LRP5: variants seen among roughly 807,000 people sequenced by gnomAD.
The protein encoded by LRP5 is LDL receptor related protein 5, also known as low-density lipoprotein receptor-related protein 5.
In LRP5, 62 loss-of-function variants were observed where a neutral mutation model predicts 154.1. The observed-to-expected ratio is 0.40, with a 90% CI of 0.33 to 0.50. The LOEUF (loss-of-function observed/expected upper bound fraction) is 0.50, where lower values mean the gene tolerates loss of function less well. Among genes scored for constraint, LRP5 ranks in the 20% least tolerant of loss-of-function variants. LRP5 has a pLI of 0.55. For missense variants in LRP5, 1,915 were observed against 2,336.7 expected, an observed-to-expected ratio of 0.82 and a Z score of 3.72; for synonymous variants, 966 against 1,011.5, an observed-to-expected ratio of 0.96 and a Z score of 0.85.
intron 7 of LRP5, among the ~76,000 whole-genome samples, chr11:68,390,277 C>CT (rs2098645582): frequency 6.6e-6 from 1 of 152,266 alleles, no homozygotes; most frequent in Non-Finnish European, 1.5e-5. Flanking sequence ...GGCCAGGTGC[C>CT]TGTAGACACA....
chr11:68,331,735 C>T (rs1184236373), intron 1 of LRP5, among the ~76,000 whole-genome samples: 1 of 137,318 alleles, frequency 7.3e-6, no homozygotes, highest in Non-Finnish European at 1.6e-5. Flanking sequence ...TTATGGTTTT[C>T]CTCTGGGCTG....
At chr11:68,443,568 TATA>T (rs2098679586) in intron 21 of LRP5, among the ~76,000 whole-genome samples, 2 of 42,022 alleles carry the variant, frequency 4.8e-5, no homozygotes, top group African/African-American at 1.2e-4. Flanking sequence ...TATATATATA[TATA>T]TATATATATA....
intron 1 of LRP5, among the ~76,000 whole-genome samples, chr11:68,318,868 G>A (rs1244445740): frequency 3.3e-5 from 5 of 152,188 alleles, no homozygotes; most frequent in African/African-American, 9.7e-5. Context: ...GCATTGAGAG[G>A]CACTCACCTT....
rs541616527 is a variant in LRP5 at position 68,351,767 on chromosome 11, G to A, written c.488+3524G>A. ...AATAGTATTTGAAAGGGACGTGTGC[G>A]TAGGGGGATAAAGCAGTGCTTGGGT... On this transcript the variant is annotated intron_variant, in intron 2 of 22. Coordinates refer to ENST00000294304, the MANE Select transcript of LRP5 (RefSeq NM_002335.4). Among the ~76,000 whole-genome samples the A allele has an allele frequency of 6.6e-5, 10 of 152,310 alleles. No homozygotes were observed. The East Asian group carries it at 1.5e-3, about 24-fold the overall frequency.
At chr11:68,299,457 G>A in the LRP5 span, among the ~76,000 whole-genome samples, 1 of 147,980 alleles carries the variant, frequency 6.8e-6, no homozygotes, top group African/African-American at 2.7e-5. Flanking sequence ...GTAGACAGTG[G>A]GGTGGAGTCC....
At chr11:68,338,608 A>G (rs2098606998) in intron 1 of LRP5, among the ~76,000 whole-genome samples, 2 of 152,094 alleles carry the variant, frequency 1.3e-5, no homozygotes, top group African/African-American at 4.8e-5. Flanking sequence ...ACCCCCTCAC[A>G]TTCTCCTAAT....
chr11:68,349,333 C>T (rs1388497830), intron 2 of LRP5, among the ~76,000 whole-genome samples: 1 of 152,096 alleles, frequency 6.6e-6, no homozygotes, highest in Non-Finnish European at 1.5e-5. Context: ...GTGCCTGGCC[C>T]ATAGTTATGT....
intron 13 of LRP5, among the ~76,000 whole-genome samples, chr11:68,419,271 T>G (rs1222002823): frequency 1.6e-4 from 25 of 152,136 alleles, no homozygotes; most frequent in Admixed American, 1.6e-3. Flanking sequence ...CTCACCCCAG[T>G]GCCCAGGCTG....
Position 68,319,395 on chromosome 11 carries a change from G to A in LRP5, c.91+6590G>A, listed in dbSNP as rs376293696. On this transcript the variant is annotated intron_variant, in intron 1 of 22. Transcript: ENST00000294304. ...CCTGGCTGATTTTTTAAAATTTGTC[G>A]TTGAGATGGGTGTCTTGCTTTGCTG... Among the ~76,000 whole-genome samples, 15 of 152,066 alleles carry A rather than the reference G, an allele frequency of 9.9e-5. No individual in the cohort carries two copies. The East Asian group carries it at 2.3e-3, about 24-fold the overall frequency.
intron 1 of LRP5, 149 bp downstream of exon 1, chr11:68,312,954 C>A: frequency 4.0e-6 from 1 of 250,150 alleles, no homozygotes; most frequent in Non-Finnish European, 6.4e-6. Context: ...GATCCCCCTG[C>A]CGTCCCCGGC....
At chr11:68,368,985 C>T (rs1479952150) in intron 5 of LRP5, among the ~76,000 whole-genome samples, 2 of 151,904 alleles carry the variant, frequency 1.3e-5, no homozygotes, top group South Asian at 2.1e-4. Context: ...TTACAGGCGC[C>T]CGCTACTATG....
chr11:68,386,641 C>T lies in LRP5; in HGVS notation c.1341C>T (p.Gly447=), dbSNP rs1383026060. 3 of 1,613,502 alleles carry T rather than the reference C, an allele frequency of 1.9e-6. No individual in the cohort carries two copies. The highest frequency in any genetic ancestry group is 1.3e-5 in the African/African-American group (1 of 74,936). ...TDRIEVTRLN[G]TSRKILVSED... ...GCATCGAGGTGACGCGCCTCAACGGCACCTCCCGCAAGATCCTGGTGTCGG... is the reference window on the plus strand; with the variant it reads ...GCATCGAGGTGACGCGCCTCAACGGTACCTCCCGCAAGATCCTGGTGTCGG... The change falls in exon 6 of 23, where the codon GGC becomes GGT. Residue 447 remains glycine, a synonymous_variant. Transcript: ENST00000294304. This position sits in a 1 kb window ranked among gnomAD's most constrained non-coding sequence, Gnocchi z 7.9.
chr11:68,354,180 G>T (rs1490494208), intron 2 of LRP5, among the ~76,000 whole-genome samples: 1 of 152,236 alleles, frequency 6.6e-6, no homozygotes, highest in Non-Finnish European at 1.5e-5. Flanking sequence ...GGCTCTGCAC[G>T]AAGGCCATGC....
At chr11:68,334,627 C>T (rs1591186722) in intron 1 of LRP5, among the ~76,000 whole-genome samples, 1 of 152,232 alleles carries the variant, frequency 6.6e-6, no homozygotes, top group East Asian at 1.9e-4. Context: ...GTAATTCCAG[C>T]ACTTTGGGAG....
intron 16 of LRP5, 101 bp downstream of exon 16, chr11:68,426,288 C>T (rs1047643157): frequency 9.8e-6 from 10 of 1,021,798 alleles, no homozygotes; most frequent in Non-Finnish European, 1.3e-5. Context: ...CTCAGCCAGG[C>T]GGTGGTCTCT....
At chr11:68,402,936 G>A (rs2098653409) in intron 7 of LRP5, among the ~76,000 whole-genome samples, 1 of 152,158 alleles carries the variant, frequency 6.6e-6, no homozygotes, top group Admixed American at 6.5e-5. Context: ...TATCAGCTGG[G>A]GACGTGGCAT....
At chr11:68,403,849 A>C in intron 8 of LRP5, 150 bp downstream of exon 8, 2 of 871,516 alleles carry the variant, frequency 2.3e-6, no homozygotes, top group South Asian at 1.6e-5. Context: ...CTGGCCAAGG[A>C]CAGATGGGAA....
intron 7 of LRP5, among the ~76,000 whole-genome samples, chr11:68,397,460 C>T (rs181348391): frequency 6.6e-6 from 1 of 152,280 alleles, no homozygotes; most frequent in South Asian, 2.1e-4. Context: ...CTGCCCCCGG[C>T]CCTCTCCCCT....
intron 5 of LRP5, among the ~76,000 whole-genome samples, chr11:68,382,881 ATT>A (rs34825808): frequency 2.7e-4 from 40 of 146,976 alleles, no homozygotes; most frequent in South Asian, 8.7e-4. Context: ...TACTTTAATG[ATT>A]TTTTTTTTTT....
Sources: gnomAD v4.1 joint callset for allele counts (sites outside exome capture counted in the v4.1 genomes callset) on GRCh38, gnomAD v4.1.1 for gene constraint, Gnocchi (gnomAD v3.1) non-coding constraint, MANE v1.5 for transcripts, NCBI Gene and HGNC (gene_info 2026-07-23, HGNC 2026-07-21) for gene names.